The following DOCK4 variants were observed in gnomAD, a reference collection of about 807,000 sequenced individuals.
DOCK4 encodes the protein dedicator of cytokinesis 4.
In DOCK4, 97 loss-of-function variants were observed where a neutral mutation model predicts 268.1. The observed-to-expected ratio is 0.36, with a 90% CI of 0.31 to 0.43. The LOEUF (loss-of-function observed/expected upper bound fraction) is 0.43. DOCK4 is among the 20% of genes least tolerant of loss of function. The probability of loss-of-function intolerance (pLI) is 1.00; values close to 1 mark genes in which losing one functional copy is unlikely to be tolerated. For synonymous variants in DOCK4, 954 were observed against 887.2 expected (o/e 1.08, Z -1.34); for missense variants, 2,145 against 2,455.7 (o/e 0.87, Z 2.67).
rs57929541 is a variant in DOCK4, at chr7:111,983,844, ACGCGCGCGCGCGCGCGCG to A, written c.549+444_549+461del. Among the ~76,000 whole-genome samples, 716 of 138,986 alleles carry A rather than the reference ACGCGCGCGCGCGCGCGCG, an allele frequency of 5.2e-3. 7 individuals are homozygous for A. Among genetic ancestry groups the A allele is most frequent in the Admixed American group, 8.7e-3 (124 of 14,300 alleles). The allele number at this position is 138,986 out of a possible 152,430, so 91.2% of individuals were successfully genotyped here. ...AGTGCTATTATGTATGTACACACAC[ACGCGCGCGCGCGCGCGCG>A]CACACACACACACACACACACACAC... On this transcript the variant is annotated intron_variant, in intron 7 of 52. Transcript: ENST00000428084.
chr7:111,978,307 C>T (rs1275734964), intron 7 of DOCK4, among the ~76,000 whole-genome samples: 2 of 152,232 alleles, frequency 1.3e-5, no homozygotes, highest in Admixed American at 6.5e-5. Flanking sequence ...TCTCAGCTCA[C>T]TGCAGCCTCT....
intron 1 of DOCK4, among the ~76,000 whole-genome samples, chr7:112,066,695 A>ATGTATGTATGTGTGTG (rs1563052170): frequency 8.5e-5 from 1 of 11,730 alleles, no homozygotes; most frequent in African/African-American, 1.9e-4. Context: ...ATATACATAT[A>ATGTATGTATGTGTGTG]TATATATATA....
At chr7:112,156,485 G>C (rs1399202948) in intron 1 of DOCK4, among the ~76,000 whole-genome samples, 1 of 152,194 alleles carries the variant, frequency 6.6e-6, no homozygotes, top group African/African-American at 2.4e-5. Flanking sequence ...CAGTGAGCCA[G>C]AAAGCTAAAG....
At chr7:111,996,633 G>A (rs960176517) in intron 4 of DOCK4, among the ~76,000 whole-genome samples, 4 of 152,070 alleles carry the variant, frequency 2.6e-5, no homozygotes, top group African/African-American at 9.7e-5. Flanking sequence ...AACTAATGTT[G>A]GGCTTTTCTG....
chr7:111,983,862 G>GCACACACACACACA (rs1554402961), intron 7 of DOCK4, among the ~76,000 whole-genome samples: 20 of 138,648 alleles, frequency 1.4e-4, no homozygotes, highest in Non-Finnish European at 2.6e-4. Flanking sequence ...GCGCGCGCGC[G>GCACACACACACACA]CACACACACA....
At chr7:112,011,761 A>C (rs1432283119) in intron 1 of DOCK4, among the ~76,000 whole-genome samples, 1 of 151,564 alleles carries the variant, frequency 6.6e-6, no homozygotes, top group East Asian at 1.9e-4. Flanking sequence ...AAAAAACAAA[A>C]AAAAAACCTT....
At chr7:111,912,494 C>T (rs1293202096) in intron 13 of DOCK4, among the ~76,000 whole-genome samples, 1 of 151,928 alleles carries the variant, frequency 6.6e-6, no homozygotes, top group Non-Finnish European at 1.5e-5. Flanking sequence ...AAACTCATTT[C>T]TTGATTTGTA....
intron 26 of DOCK4, among the ~76,000 whole-genome samples, chr7:111,832,493 A>G (rs985407334): frequency 6.6e-5 from 10 of 152,144 alleles, no homozygotes; most frequent in Non-Finnish European, 1.5e-4. Context: ...AGATGAAGTA[A>G]TTAATATTAT....
At position 111,822,535 on chromosome 7, in the gene DOCK4, T is replaced by C. The variant is rs912609216; in HGVS notation, c.2836-79A>G. On this transcript the variant is annotated intron_variant, in intron 26 of 52. Transcript: ENST00000428084. ...ACATACGCACATACACAGGCAGTAC[T>C]GTTGTACTGTTACCATTTCCAAAGC... 6.8e-6 allele frequency: 8 copies of C among 1,184,850 alleles called. No homozygotes were observed. The South Asian group carries it at 9.6e-5, about 14-fold the overall frequency. The allele number at this position is 1,184,850 out of a possible 1,614,324, so 73.4% of individuals were successfully genotyped here. A position where few individuals can be genotyped will look rare whatever the true frequency, so the allele number is the denominator to read the frequency against.
chr7:111,728,242 AAG>A lies in DOCK4; in HGVS notation c.*30_*31del. On this transcript the variant is annotated 3_prime_UTR_variant, in exon 53 of 53. Transcript: ENST00000428084. ...ATACTTCTTATTTTGTAAACGGGCA[AAG>A]AATGCATCGCAGGTACATAGAAAAG... 7.0e-7 allele frequency: 1 copy of A among 1,430,410 alleles called. No individual in the cohort carries two copies. Among genetic ancestry groups the A allele is most frequent in the Non-Finnish European group, 9.2e-7 (1 of 1,086,090 alleles). The allele number at this position is 1,430,410 out of a possible 1,614,324, so 88.6% of individuals were successfully genotyped here.
intron 51 of DOCK4, 150 bp downstream of exon 51, chr7:111,734,904 G>A: frequency 1.5e-6 from 1 of 657,112 alleles, no homozygotes; most frequent in Non-Finnish European, 2.7e-6. Context: ...TCAGGAAAGA[G>A]GGAGACAATT....
At chr7:112,026,697 T>C (rs1802826235) in intron 1 of DOCK4, among the ~76,000 whole-genome samples, 1 of 152,234 alleles carries the variant, frequency 6.6e-6, no homozygotes, top group South Asian at 2.1e-4. Context: ...ATTGACCTAC[T>C]GTTTATGCCT....
chr7:111,863,575 A>G lies in DOCK4; in HGVS notation c.2281-11T>C, dbSNP rs1346603553. ...GCTCAGAAACACAGCCTTAAAAAGA[A>G]GAAGACATTTAAATCAACTCCCAGA... On this transcript the variant is annotated splice_polypyrimidine_tract_variant and intron_variant, in intron 22 of 52. Coordinates refer to ENST00000428084, the MANE Select transcript of DOCK4 (RefSeq NM_001363540.2). The G allele has an allele frequency of 6.3e-7, 1 of 1,584,586 alleles. No homozygotes were observed. The highest frequency in any genetic ancestry group is 1.1e-5 in the South Asian group (1 of 87,426).
At chr7:111,801,753 G>A (rs577937870) in intron 30 of DOCK4, 3 of 145,560 alleles carry the variant, frequency 2.1e-5, no homozygotes, top group Non-Finnish European at 3.0e-5. Flanking sequence ...GCAGTGGTGC[G>A]ATCTCAGCTC....
chr7:112,060,384 G>A lies in DOCK4; in HGVS notation c.38-56253C>T, dbSNP rs374826488. Among the ~76,000 whole-genome samples, 38 of 152,244 alleles carry A rather than the reference G, an allele frequency of 2.5e-4. No individual in the cohort carries two copies. The South Asian group carries it at 7.1e-3, about 28-fold the overall frequency. ...GCACTGTCGGTAGGAATGTAAAATG[G>A]TATAAAGTTCTCTAAAAATAGTATA... On this transcript the variant is annotated intron_variant, in intron 1 of 52. Coordinates refer to ENST00000428084, the MANE Select transcript of DOCK4 (RefSeq NM_001363540.2).
At position 111,741,227 on chromosome 7, in the gene DOCK4, G is replaced by C; in HGVS notation, c.4920-13C>G. On this transcript the variant is annotated splice_polypyrimidine_tract_variant and intron_variant, in intron 46 of 52. Transcript: ENST00000428084. ...GTAACTTAACGGGCTGTTTCAGGGG[G>C]AAAAAAAAGGTCATTAACTCAGTCT... 1 of 1,602,310 alleles carries C rather than the reference G, an allele frequency of 6.2e-7. No homozygotes were observed.
At chr7:111,764,343 G>C (rs1205340434) in intron 39 of DOCK4, among the ~76,000 whole-genome samples, 1 of 152,146 alleles carries the variant, frequency 6.6e-6, no homozygotes, top group Non-Finnish European at 1.5e-5. Context: ...GCAAGATTTA[G>C]GTAAACACAA....
chr7:111,908,829 G>T (rs1251509740), intron 13 of DOCK4, among the ~76,000 whole-genome samples: 1 of 152,078 alleles, frequency 6.6e-6, no homozygotes, highest in Admixed American at 6.5e-5. Flanking sequence ...ATGGCTTCTA[G>T]CTTCATCCAT....
intron 32 of DOCK4, among the ~76,000 whole-genome samples, chr7:111,786,535 G>A (rs953792084): frequency 6.6e-6 from 1 of 152,166 alleles, no homozygotes; most frequent in Non-Finnish European, 1.5e-5. Context: ...TGGGCTTAGG[G>A]AAAGATGAGT....
Sources: gnomAD v4.1 joint callset for allele counts (sites outside exome capture counted in the v4.1 genomes callset) on GRCh38, gnomAD v4.1.1 for gene constraint, MANE v1.5 for transcripts, NCBI Gene and HGNC (gene_info 2026-07-23, HGNC 2026-07-21) for gene names.